UNKL: variants seen among roughly 807,000 people sequenced by gnomAD.
UNKL encodes the protein unk like zinc finger.
A neutral mutation model predicts 78.0 loss-of-function variants in UNKL; 60 were observed. The observed-to-expected ratio is 0.77, with a 90% CI of 0.63 to 0.95. The LOEUF is 0.95. Among genes scored for constraint, UNKL ranks in the 40% least tolerant of loss-of-function variants. The pLI, the probability that UNKL is intolerant of heterozygous loss-of-function variation, is 0.00. For synonymous variants in UNKL, 608 were observed against 474.8 expected (o/e 1.28, Z -3.65); for missense variants, 1,159 against 1,045.7 (o/e 1.11, Z -1.49).
chr16:1,368,126 G>A (rs2035462238), intron 12 of UNKL: 2 of 516,366 alleles, frequency 3.9e-6, no homozygotes, highest in Non-Finnish European at 6.9e-6. Flanking sequence ...TAAACAGAGA[G>A]GAATTAAATT....
chr16:1,396,140 C>T (rs2037249885), intron 6 of UNKL, among the ~76,000 whole-genome samples: 1 of 151,314 alleles, frequency 6.6e-6, no homozygotes, highest in Admixed American at 6.6e-5. Flanking sequence ...CAGGGTTTCA[C>T]CATGTTGACC....
intron 5 of UNKL, chr16:1,398,777 G>T: frequency 6.5e-7 from 1 of 1,537,538 alleles, no homozygotes. Context: ...GGAGAAAGGG[G>T]CTTCAGAGGC....
rs1202992107 is a variant in UNKL, at chr16:1,366,052, C to T, written c.*188G>A. On this transcript the variant is annotated 3_prime_UTR_variant, in exon 15 of 15. Coordinates refer to ENST00000389221, the MANE Select transcript of UNKL (RefSeq NM_001372107.1). The stretch of plus-strand genomic sequence containing the variant: ...GTCGGTAGGACTAGATAGGTGACAA[C>T]GTGTGACAGGAAAGGCTGTCAGGCC... 7 of 608,108 alleles carry T rather than the reference C, an allele frequency of 1.2e-5. No individual in the cohort carries two copies. Among genetic ancestry groups the T allele is most frequent in the Admixed American group, 6.9e-5 (2 of 29,026 alleles). The allele number at this position is 608,108 out of a possible 1,614,324, so 37.7% of individuals were successfully genotyped here.
chr16:1,401,368 G>C (rs1596751187), intron 4 of UNKL, 200 bp downstream of exon 4: 2 of 557,346 alleles, frequency 3.6e-6, no homozygotes, highest in East Asian at 6.8e-5. Context: ...CAGGTGCGGG[G>C]GAAGGCGCCT....
rs949569930 is a variant in UNKL, at chr16:1,363,268, A to G, written c.*2972T>C. The G allele has an allele frequency of 1.5e-6, 1 of 658,518 alleles. No individual in the cohort carries two copies. 40.8% of individuals were successfully genotyped at this position (658,518 alleles called of 1,614,324 possible). A position where few individuals can be genotyped will look rare whatever the true frequency, so the allele number is the denominator to read the frequency against. On this transcript the variant is annotated 3_prime_UTR_variant, in exon 15 of 15. Transcript: ENST00000389221. ...AATAACTCCATGAATTCTGTAAACC[A>G]TTGCATAAATGCTATAGTGTAAAAA...
At chr16:1,393,821 G>A (rs941664862) in intron 7 of UNKL, among the ~76,000 whole-genome samples, 1 of 152,220 alleles carries the variant, frequency 6.6e-6, no homozygotes, top group Non-Finnish European at 1.5e-5. Flanking sequence ...GGCAGGTGGA[G>A]GTGCCAGCCA....
intron 6 of UNKL, among the ~76,000 whole-genome samples, chr16:1,396,371 C>T (rs1392523472): frequency 2.0e-5 from 3 of 151,814 alleles, no homozygotes; most frequent in Middle Eastern, 3.2e-3. Flanking sequence ...CCTCACGTCT[C>T]AGCCTCCCAA....
At chr16:1,396,324 G>A (rs1287549051) in intron 6 of UNKL, among the ~76,000 whole-genome samples, 4 of 149,412 alleles carry the variant, frequency 2.7e-5, no homozygotes, top group Non-Finnish European at 4.4e-5. Flanking sequence ...GCGTGATCTC[G>A]GCTCACTCTA....
At chr16:1,394,904 GTC>G (rs1379393294) in intron 6 of UNKL, among the ~76,000 whole-genome samples, 2 of 152,194 alleles carry the variant, frequency 1.3e-5, no homozygotes, top group Admixed American at 1.3e-4. Flanking sequence ...TTGAGAGAGA[GTC>G]TCGCTCTGTC....
chr16:1,403,650 G>A lies in UNKL; in HGVS notation c.288-306C>T, dbSNP rs2037628459. 6.6e-6 allele frequency among the ~76,000 whole-genome samples: 1 copy of A among 152,168 alleles called. No homozygotes were observed. The highest frequency in any genetic ancestry group is 6.5e-5 in the Admixed American group (1 of 15,272). On this transcript the variant is annotated intron_variant, in intron 2 of 14. Transcript: ENST00000389221. The surrounding 1 kb of genome is among the most constrained non-coding windows in gnomAD (Gnocchi z 4.8). ...AAACACAATGCTGAATTTCCACAAA[G>A]CTCATCCTTCCTAATGTTCCAAATA... is the stretch of plus-strand genomic sequence containing the variant.
At chr16:1,401,738 C>G in intron 3 of UNKL, 37 bp from the exon 4 acceptor site, 3 of 1,581,770 alleles carry the variant, frequency 1.9e-6, no homozygotes, top group Non-Finnish European at 2.6e-6. Flanking sequence ...AGCTCTGCAT[C>G]TGGAGCCTCC....
chr16:1,379,097 C>G (rs969424841), intron 10 of UNKL: 2 of 152,358 alleles, frequency 1.3e-5, no homozygotes, highest in East Asian at 1.9e-4. Context: ...CGACACAGCC[C>G]GGCTCTGCCG....
chr16:1,377,901 A>C (rs529942587), intron 10 of UNKL, among the ~76,000 whole-genome samples: 1 of 152,268 alleles, frequency 6.6e-6, no homozygotes, highest in East Asian at 1.9e-4. Context: ...GCCCATGCCC[A>C]GCCTGCCTTC....
At chr16:1,379,388 C>A in intron 10 of UNKL, 1 of 804,018 alleles carries the variant, frequency 1.2e-6, no homozygotes, top group Non-Finnish European at 1.5e-6. Context: ...GGGACGCAGG[C>A]GGCCCGAGCC....
intron 1 of UNKL, among the ~76,000 whole-genome samples, 171 bp downstream of exon 1, chr16:1,414,444 G>T (rs939915532): frequency 2.4e-4 from 37 of 151,908 alleles, no homozygotes; most frequent in African/African-American, 8.9e-4. Flanking sequence ...TGGGCGCCGC[G>T]CTCCGACCTC....
intron 10 of UNKL, chr16:1,383,737 C>A: frequency 2.5e-6 from 1 of 405,602 alleles, no homozygotes; most frequent in Non-Finnish European, 5.2e-6. Context: ...GGCCGCCGGG[C>A]CGCCGCCCAC....
intron 10 of UNKL, among the ~76,000 whole-genome samples, chr16:1,380,426 G>T (rs906244457): frequency 1.3e-5 from 2 of 152,178 alleles, no homozygotes; most frequent in Non-Finnish European, 2.9e-5. Context: ...CCTGAGCCTG[G>T]GGCGCAGGAG....
chr16:1,395,577 C>A, intron 6 of UNKL: 1 of 421,138 alleles, frequency 2.4e-6, no homozygotes, highest in South Asian at 1.7e-5. Context: ...GAGGCACAGG[C>A]CTGGCTCCAT....
chr16:1,386,488 T>C (rs2036816641), intron 9 of UNKL, among the ~76,000 whole-genome samples: 1 of 151,918 alleles, frequency 6.6e-6, no homozygotes, highest in African/African-American at 2.4e-5. Flanking sequence ...CGGGAGGCAG[T>C]GGTTGTGGTG....
Sources: allele counts gnomAD v4.1 joint callset (sites outside exome capture counted in the v4.1 genomes callset), GRCh38; gene constraint gnomAD v4.1.1; non-coding constraint Gnocchi (gnomAD v3.1); transcripts MANE v1.5; gene names NCBI Gene and HGNC (gene_info 2026-07-23, HGNC 2026-07-21).